Variants in EYS observed in about 807,000 individuals in gnomAD.
EYS encodes the protein EGF-like photoreceptor maintenance factor.
EYS carries 250 observed loss-of-function variants against 282.1 expected under a neutral mutation model. That is an observed-to-expected ratio of 0.89 (90% CI 0.80 to 0.98). EYS has a LOEUF of 0.98. Ranked by LOEUF, EYS falls within the 50% of genes least tolerant of loss-of-function variation. EYS has a pLI of 0.00. For synonymous variants in EYS, 1,355 were observed against 1,282.9 expected (o/e 1.06, Z -1.20); for missense variants, 4,016 against 3,709.0 (o/e 1.08, Z -2.15).
At chr6:64,069,399 C>T (rs1227941360) in intron 32 of EYS, among the ~76,000 whole-genome samples, 1 of 151,122 alleles carries the variant, frequency 6.6e-6, no homozygotes, top group East Asian at 1.9e-4. Context: ...TTTTCCATTC[C>T]CTACTTTTCT....
intron 26 of EYS, among the ~76,000 whole-genome samples, chr6:64,565,010 A>AT (rs912440901): frequency 7.9e-5 from 12 of 151,466 alleles, no homozygotes; most frequent in Non-Finnish European, 1.2e-4. Context: ...CTTTGCGTAA[A>AT]TTTTTTTTCT....
chr6:64,681,337 T>C (rs949514286), intron 22 of EYS, among the ~76,000 whole-genome samples: 1 of 152,090 alleles, frequency 6.6e-6, no homozygotes, highest in Non-Finnish European at 1.5e-5. Context: ...CCCTTTTGTG[T>C]TTGGGTTGCT....
At chr6:64,641,382 G>C (rs1328725543) in intron 22 of EYS, among the ~76,000 whole-genome samples, 1 of 152,142 alleles carries the variant, frequency 6.6e-6, no homozygotes, top group African/African-American at 2.4e-5. Context: ...CAACATGTGG[G>C]AAATCAAGAT....
intron 33 of EYS, among the ~76,000 whole-genome samples, chr6:64,006,922 G>C (rs1360308600): frequency 6.6e-6 from 1 of 152,028 alleles, no homozygotes; most frequent in African/African-American, 2.4e-5. Context: ...TTTTTGCATT[G>C]ATGTTCATCG....
At chr6:64,274,481 G>GTTTTTTTTTTTTT (rs10640761) in intron 30 of EYS, among the ~76,000 whole-genome samples, 18 of 92,226 alleles carry the variant, frequency 2.0e-4, no homozygotes, top group African/African-American at 8.5e-4. Context: ...ACGCCTGGCC[G>GTTTTTTTTTTTTT]TTTTTTTTTT....
chr6:65,631,250 G>T (rs1404455482), intron 2 of EYS, among the ~76,000 whole-genome samples: 1 of 152,128 alleles, frequency 6.6e-6, no homozygotes, highest in Non-Finnish European at 1.5e-5. Context: ...CAAGGTAGTT[G>T]CACTTCCTGA....
At chr6:65,502,875 C>T (rs1057140206) in intron 2 of EYS, among the ~76,000 whole-genome samples, 3 of 151,622 alleles carry the variant, frequency 2.0e-5, no homozygotes, top group South Asian at 2.1e-4. Context: ...ATGTCATTTT[C>T]ATCACATCAT....
intron 22 of EYS, among the ~76,000 whole-genome samples, chr6:64,709,708 T>C (rs2149933202): frequency 1.3e-5 from 2 of 152,354 alleles, no homozygotes; most frequent in East Asian, 3.9e-4. Flanking sequence ...ATGCCACATA[T>C]GAAAATTCGT....
chr6:65,689,533 T>G (rs574001153), intron 1 of EYS, among the ~76,000 whole-genome samples: 1 of 149,674 alleles, frequency 6.7e-6, no homozygotes, highest in Non-Finnish European at 1.5e-5. Flanking sequence ...ATAAAAAAAA[T>G]TATGTGTAAA....
At chr6:64,824,698 G>C (rs1764998212) in intron 19 of EYS, among the ~76,000 whole-genome samples, 1 of 151,768 alleles carries the variant, frequency 6.6e-6, no homozygotes, top group Non-Finnish European at 1.5e-5. Flanking sequence ...AAGAGTTTGG[G>C]ACAGGATGCA....
chr6:65,592,793 G>T (rs942219291), intron 2 of EYS, among the ~76,000 whole-genome samples: 6 of 151,884 alleles, frequency 4.0e-5, no homozygotes, highest in Non-Finnish European at 7.4e-5. Context: ...TAAGAAGAAT[G>T]GTTGGTTTTA....
At chr6:65,378,497 C>G (rs878978983) in intron 8 of EYS, among the ~76,000 whole-genome samples, 2 of 152,058 alleles carry the variant, frequency 1.3e-5, no homozygotes, top group Admixed American at 1.3e-4. Context: ...GGATCTGGAA[C>G]TAGAAATAAC....
intron 1 of EYS, among the ~76,000 whole-genome samples, chr6:65,692,005 A>G (rs1304959492): frequency 6.7e-6 from 1 of 150,056 alleles, no homozygotes; most frequent in Non-Finnish European, 1.5e-5. Context: ...TCACAATAGG[A>G]GATATGAAAT....
intron 15 of EYS, 111 bp downstream of exon 15, chr6:64,945,682 A>C: frequency 2.0e-6 from 2 of 1,004,986 alleles, no homozygotes; most frequent in Non-Finnish European, 2.8e-6. Flanking sequence ...TCATTGCTGG[A>C]TGGTTATTTT....
At chr6:65,034,297 C>A (rs574308529) in intron 13 of EYS, among the ~76,000 whole-genome samples, 1 of 152,226 alleles carries the variant, frequency 6.6e-6, no homozygotes, top group African/African-American at 2.4e-5. Flanking sequence ...TGAATTAAAT[C>A]TTTGTGGGAT....
intron 19 of EYS, among the ~76,000 whole-genome samples, chr6:64,870,102 T>C (rs1766545333): frequency 6.6e-6 from 1 of 151,684 alleles, no homozygotes; most frequent in African/African-American, 2.4e-5. Context: ...CATGTTGTTT[T>C]CTTAGATCAC....
chr6:65,243,170 TTG>T (rs1767096707), intron 12 of EYS, among the ~76,000 whole-genome samples: 1 of 152,246 alleles, frequency 6.6e-6, no homozygotes. Context: ...ACTTGTTTTT[TTG>T]TGTGTTTATC....
intron 12 of EYS, among the ~76,000 whole-genome samples, chr6:65,132,439 A>G (rs73439450): frequency 0.03 from 4,530 of 152,152 alleles, 93 homozygotes; most frequent in African/African-American, 0.058. Context: ...TTAATCATAT[A>G]CACAAAAATA....
At chr6:64,853,940 G>C (rs1007050495) in intron 19 of EYS, among the ~76,000 whole-genome samples, 3 of 151,776 alleles carry the variant, frequency 2.0e-5, no homozygotes, top group Non-Finnish European at 4.4e-5. Context: ...GTGGGTGAAG[G>C]ATATGAACAG....
Sources: allele counts gnomAD v4.1 joint callset (sites outside exome capture counted in the v4.1 genomes callset), GRCh38; gene constraint gnomAD v4.1.1; transcripts MANE v1.5; gene names NCBI Gene and HGNC (gene_info 2026-07-23, HGNC 2026-07-21).